KALRN: variants seen among roughly 807,000 people sequenced by gnomAD.
The protein encoded by KALRN is kalirin RhoGEF kinase.
In KALRN, 70 loss-of-function variants were observed where a neutral mutation model predicts 353.7. That is an observed-to-expected ratio of 0.20 (90% CI 0.16 to 0.24). The LOEUF (loss-of-function observed/expected upper bound fraction) is 0.24. Ranked by LOEUF, KALRN falls within the 10% of genes least tolerant of loss-of-function variation. The probability of loss-of-function intolerance (pLI) is 1.00; values close to 1 mark genes in which losing one functional copy is unlikely to be tolerated. For synonymous variants in KALRN, 1,391 were observed against 1,434.8 expected (o/e 0.97, Z 0.69); for missense variants, 2,791 against 3,756.7 (o/e 0.74, Z 6.72).
intron 21 of KALRN, 99 bp downstream of exon 21, chr3:124,446,984 T>C: frequency 7.1e-7 from 1 of 1,401,332 alleles, no homozygotes; most frequent in Non-Finnish European, 9.8e-7. Flanking sequence ...TAAGCAAAAA[T>C]ACCTGGCTAC....
At chr3:124,067,979 C>T (rs1343148823) in intron 1 of KALRN, among the ~76,000 whole-genome samples, 46 of 152,218 alleles carry the variant, frequency 3.0e-4, no homozygotes, top group Non-Finnish European at 1.0e-4. Flanking sequence ...CGCCATAGCT[C>T]AGCTGGTTGG....
intron 32 of KALRN, among the ~76,000 whole-genome samples, chr3:124,495,988 T>TATATATATACAC (rs2063750985): frequency 1.9e-5 from 1 of 53,758 alleles, no homozygotes; most frequent in South Asian, 7.6e-4. Context: ...TATATATATA[T>TATATATATACAC]ATATATATAT....
rs138097079 is a variant in KALRN, at chr3:124,449,183, G to A, written c.3552+2298G>A. On this transcript the variant is annotated intron_variant, in intron 21 of 59. Coordinates refer to ENST00000682506, the MANE Select transcript of KALRN (RefSeq NM_001388419.1). ...ATGAATTTGAAATGGAAACCAAATTGACCTTTAGCCACAAGAGAATACATA... is the reference window on the plus strand; with the variant it reads ...ATGAATTTGAAATGGAAACCAAATTAACCTTTAGCCACAAGAGAATACATA... Among the ~76,000 whole-genome samples the A allele has an allele frequency of 4.0e-3, 602 of 152,216 alleles. 7 individuals are homozygous for A. The highest frequency in any genetic ancestry group is 0.027 in the Admixed American group (417 of 15,276).
intron 33 of KALRN, among the ~76,000 whole-genome samples, chr3:124,531,891 G>C (rs1247078606): frequency 6.6e-6 from 1 of 152,110 alleles, no homozygotes; most frequent in Non-Finnish European, 1.5e-5. Flanking sequence ...ATGAATGATA[G>C]GTCTCATATG....
At chr3:124,446,372 T>A in intron 20 of KALRN, 96 bp downstream of exon 20, 1 of 799,780 alleles carries the variant, frequency 1.3e-6, no homozygotes. Context: ...CAGCAGCAGA[T>A]TGGGGATGGG....
chr3:124,618,265 A>T (rs11920280), intron 34 of KALRN, among the ~76,000 whole-genome samples: 1 of 150,684 alleles, frequency 6.6e-6, no homozygotes, highest in Non-Finnish European at 1.5e-5. Context: ...GCCTGCCACC[A>T]CGCCCAGCTA....
chr3:124,133,355 C>T (rs1192760192), intron 1 of KALRN, among the ~76,000 whole-genome samples: 1 of 152,168 alleles, frequency 6.6e-6, no homozygotes, highest in Admixed American at 6.5e-5. Context: ...AAAAACACAA[C>T]ACAAGGTTTG....
At chr3:124,097,690 A>G (rs906825514) in intron 1 of KALRN, among the ~76,000 whole-genome samples, 1 of 152,234 alleles carries the variant, frequency 6.6e-6, no homozygotes, top group Non-Finnish European at 1.5e-5. Context: ...TGATGATTGC[A>G]GACTAATCTT....
chr3:124,224,485 A>T (rs570204360), intron 1 of KALRN, among the ~76,000 whole-genome samples: 1 of 152,342 alleles, frequency 6.6e-6, no homozygotes, highest in East Asian at 1.9e-4. Flanking sequence ...TGTAGACCAC[A>T]GGTTGCACAA....
At chr3:124,706,662 C>T (rs541503781) in intron 57 of KALRN, among the ~76,000 whole-genome samples, 1 of 152,070 alleles carries the variant, frequency 6.6e-6, no homozygotes, top group South Asian at 2.1e-4. Flanking sequence ...ATCTACCTCC[C>T]AGGTTCAAGC....
intron 1 of KALRN, among the ~76,000 whole-genome samples, chr3:124,113,738 C>G (rs1216352598): frequency 6.6e-6 from 1 of 152,248 alleles, no homozygotes; most frequent in African/African-American, 2.4e-5. Flanking sequence ...CTGGCTCAGC[C>G]TGCGAGGCTC....
chr3:124,318,329 C>T (rs1223753375), intron 6 of KALRN, among the ~76,000 whole-genome samples: 1 of 152,134 alleles, frequency 6.6e-6, no homozygotes, highest in Non-Finnish European at 1.5e-5. Context: ...CAGAGGGCAC[C>T]CTGTGGTTCA....
At chr3:124,707,905 G>A (rs947028384) in intron 57 of KALRN, among the ~76,000 whole-genome samples, 13 of 152,224 alleles carry the variant, frequency 8.5e-5, no homozygotes, top group Non-Finnish European at 1.6e-4. Context: ...CCTTCCAGCT[G>A]TGCTTGTATG....
chr3:124,695,833 C>A (rs1306311580), intron 53 of KALRN, among the ~76,000 whole-genome samples: 1 of 151,868 alleles, frequency 6.6e-6, no homozygotes, highest in Non-Finnish European at 1.5e-5. Flanking sequence ...ATACTATGAG[C>A]CAGAACTTGC....
intron 33 of KALRN, among the ~76,000 whole-genome samples, chr3:124,531,314 C>A (rs185024754): frequency 6.6e-6 from 1 of 152,298 alleles, no homozygotes. Flanking sequence ...TACATTTGGA[C>A]TCTAATATTT....
At chr3:124,608,475 C>G (rs1323266484) in intron 34 of KALRN, among the ~76,000 whole-genome samples, 1 of 152,180 alleles carries the variant, frequency 6.6e-6, no homozygotes, top group Non-Finnish European at 1.5e-5. Context: ...AACCAAGGCC[C>G]AAGCACCCAG....
At chr3:124,145,092 T>G (rs1399549534) in intron 1 of KALRN, among the ~76,000 whole-genome samples, 1 of 152,126 alleles carries the variant, frequency 6.6e-6, no homozygotes, top group African/African-American at 2.4e-5. Flanking sequence ...GGATGCTTCC[T>G]GGCTAGAGCT....
At chr3:124,595,202 A>G (rs902252886) in intron 34 of KALRN, among the ~76,000 whole-genome samples, 3 of 151,670 alleles carry the variant, frequency 2.0e-5, no homozygotes, top group African/African-American at 4.8e-5. Flanking sequence ...TTTTTTTCTC[A>G]GAAATATGAT....
chr3:124,481,053 T>A (rs2061934842), intron 27 of KALRN, among the ~76,000 whole-genome samples: 1 of 152,216 alleles, frequency 6.6e-6, no homozygotes, highest in Non-Finnish European at 1.5e-5. Flanking sequence ...GGTAACTTCA[T>A]ATCTATACAC....
Sources: gnomAD v4.1 joint callset for allele counts (sites outside exome capture counted in the v4.1 genomes callset) on GRCh38, gnomAD v4.1.1 for gene constraint, MANE v1.5 for transcripts, NCBI Gene and HGNC (gene_info 2026-07-23, HGNC 2026-07-21) for gene names.